The following ATP2B4 variants were observed in gnomAD, a reference collection of about 807,000 sequenced individuals.
ATP2B4 encodes the protein ATPase plasma membrane Ca2+ transporting 4.
ATP2B4 carries 39 observed loss-of-function variants against 110.3 expected under a neutral mutation model. The observed-to-expected ratio is 0.35, with a 90% confidence interval of 0.27 to 0.46. ATP2B4 has a LOEUF of 0.46. ATP2B4 is among the 20% of genes least tolerant of loss of function. The pLI is 1.00. For missense variants in ATP2B4, 1,135 were observed against 1,530.9 expected (o/e 0.74, Z 4.32); for synonymous variants, 538 against 571.7 (o/e 0.94, Z 0.84).
intron 20 of ATP2B4, among the ~76,000 whole-genome samples, chr1:203,734,710 A>T (rs912245488): frequency 6.6e-6 from 1 of 151,430 alleles, no homozygotes; most frequent in African/African-American, 2.4e-5. Flanking sequence ...CATCTCAAAA[A>T]AAAAAAAAAA....
chr1:203,664,339 A>G (rs1664439037), intron 1 of ATP2B4, among the ~76,000 whole-genome samples: 1 of 152,198 alleles, frequency 6.6e-6, no homozygotes, highest in South Asian at 2.1e-4. Context: ...ACTGGAAAGT[A>G]TAGGAACACG....
intron 2 of ATP2B4, among the ~76,000 whole-genome samples, chr1:203,692,323 A>G (rs966403543): frequency 6.6e-6 from 1 of 152,102 alleles, no homozygotes; most frequent in Non-Finnish European, 1.5e-5. Context: ...GACCACAGGC[A>G]CACGCCATCA....
chr1:203,729,644 A>G (rs551803107), intron 20 of ATP2B4: 3 of 1,075,248 alleles, frequency 2.8e-6, no homozygotes, highest in Non-Finnish European at 4.0e-6. Flanking sequence ...CCAGAGAAAC[A>G]TTCCAGGGTG....
At chr1:203,672,560 G>C (rs1664705792) in intron 1 of ATP2B4, among the ~76,000 whole-genome samples, 1 of 152,068 alleles carries the variant, frequency 6.6e-6, no homozygotes, top group African/African-American at 2.4e-5. Context: ...CCTGGCCTCG[G>C]AGCAGTGGGC....
At chr1:203,636,037 G>A (rs1184590537) in intron 1 of ATP2B4, among the ~76,000 whole-genome samples, 2 of 152,246 alleles carry the variant, frequency 1.3e-5, no homozygotes, top group Admixed American at 6.5e-5. Context: ...ATGCCATGGG[G>A]CCAGCTGAGG....
intron 2 of ATP2B4, among the ~76,000 whole-genome samples, chr1:203,686,098 C>T (rs1344920008): frequency 1.3e-5 from 2 of 152,116 alleles, no homozygotes; most frequent in African/African-American, 4.8e-5. Context: ...TAATCATACC[C>T]CTTTGGGCTC....
chr1:203,679,221 ATTC>A (rs1309546455), intron 1 of ATP2B4, among the ~76,000 whole-genome samples: 1 of 152,136 alleles, frequency 6.6e-6, no homozygotes, highest in African/African-American at 2.4e-5. Flanking sequence ...CCTTCAGATT[ATTC>A]TTTGGCAGTT....
At chr1:203,648,287 T>C (rs1663869628) in intron 1 of ATP2B4, among the ~76,000 whole-genome samples, 1 of 150,452 alleles carries the variant, frequency 6.6e-6, no homozygotes, top group Admixed American at 6.6e-5. Flanking sequence ...AAAGAAGTGT[T>C]TTTTTTAAAA....
chr1:203,689,313 G>C (rs934329435), intron 2 of ATP2B4, among the ~76,000 whole-genome samples: 1 of 152,218 alleles, frequency 6.6e-6, no homozygotes, highest in Non-Finnish European at 1.5e-5. Flanking sequence ...GAGGTTATAC[G>C]TGTTCTTTTT....
At chr1:203,670,635 A>G (rs1043255117) in intron 1 of ATP2B4, among the ~76,000 whole-genome samples, 6 of 152,048 alleles carry the variant, frequency 3.9e-5, no homozygotes, top group African/African-American at 7.2e-5. Context: ...TTCCCACCCT[A>G]TAGGAACTAG....
At chr1:203,686,952 A>G (rs1200191674) in intron 2 of ATP2B4, among the ~76,000 whole-genome samples, 1 of 146,014 alleles carries the variant, frequency 6.8e-6, no homozygotes, top group African/African-American at 2.5e-5. Context: ...ACCTCGGCCT[A>G]CCAAAGTGCT....
chr1:203,739,068 A>T (rs1666941078), intron 20 of ATP2B4, among the ~76,000 whole-genome samples: 1 of 152,184 alleles, frequency 6.6e-6, no homozygotes, highest in African/African-American at 2.4e-5. Flanking sequence ...CTTTAAACAG[A>T]TAACTAAACC....
At chr1:203,714,036 C>A in intron 14 of ATP2B4, 135 bp from the exon 15 acceptor site, 1 of 797,046 alleles carries the variant, frequency 1.3e-6, no homozygotes, top group Non-Finnish European at 2.1e-6. Flanking sequence ...ACTTACTGCC[C>A]TTAGGTGGTT....
At chr1:203,643,385 G>T (rs1400846258) in intron 1 of ATP2B4, among the ~76,000 whole-genome samples, 2 of 152,164 alleles carry the variant, frequency 1.3e-5, no homozygotes, top group African/African-American at 4.8e-5. Context: ...TAGCCCAAGG[G>T]TGCTATCACT....
rs759725699 is a variant in ATP2B4, at chr1:203,720,647, T to C, written c.2505T>C (p.Asn835=). The change falls in exon 16 of 21, where the codon AAT becomes AAC. Residue 835 remains asparagine (N), a synonymous_variant. Coordinates refer to ENST00000357681, the MANE Select transcript of ATP2B4 (RefSeq NM_001684.5). ...SIVKAVMWGR[N]VYDSISKFLQ... is the part of the protein sequence containing the mutation. Reference sequence around the variant, plus strand: ...TGAAGGCAGTGATGTGGGGACGAAATGTCTATGACAGCATCTCCAAGTTCC... The same window carrying C: ...TGAAGGCAGTGATGTGGGGACGAAACGTCTATGACAGCATCTCCAAGTTCC... 1.1e-5 allele frequency: 18 copies of C among 1,614,012 alleles called. No individual in the cohort carries two copies. Among genetic ancestry groups the C allele is most frequent in the Non-Finnish European group, 1.5e-5 (18 of 1,180,008 alleles).
At position 203,740,330 on chromosome 1, in the gene ATP2B4, A is replaced by G. The variant is rs191929063; in HGVS notation, c.*476A>G. 3 of 156,772 alleles carry G rather than the reference A, an allele frequency of 1.9e-5. No individual in the cohort carries two copies. The highest frequency in any genetic ancestry group is 1.8e-4 in the Admixed American group (3 of 16,582). The allele number at this position is 156,772 out of a possible 1,614,324, so 9.7% of individuals were successfully genotyped here. The stretch of plus-strand genomic sequence containing the variant: ...CCGCCAGTAGTGTGATTGTTTTTCA[A>G]TTTTTCCCACTTTGAAAACTTACAC... On this transcript the variant is annotated 3_prime_UTR_variant, in exon 21 of 21. Coordinates refer to ENST00000357681, the MANE Select transcript of ATP2B4 (RefSeq NM_001684.5).
Position 203,708,992 on chromosome 1 carries a change from A to C in ATP2B4, c.1558-309A>C, listed in dbSNP as rs970118781. Among the ~76,000 whole-genome samples, 3 of 152,130 alleles carry C rather than the reference A, an allele frequency of 2.0e-5. No homozygotes were observed. The East Asian group carries it at 5.8e-4, about 29-fold the overall frequency. On this transcript the variant is annotated intron_variant, in intron 10 of 20. Coordinates refer to ENST00000357681, the MANE Select transcript of ATP2B4 (RefSeq NM_001684.5). ...GCCAACATGGTGAAACCCGGTCTCT[A>C]CTAAAAATACAAAAATTAGCTAGGC...
At chr1:203,686,683 T>TCC (rs1665192938) in intron 2 of ATP2B4, among the ~76,000 whole-genome samples, 2 of 116,840 alleles carry the variant, frequency 1.7e-5, no homozygotes, top group Admixed American at 2.2e-4. Flanking sequence ...TTTCTTTTCT[T>TCC]TCTTTTTTTT....
Position 203,720,349 on chromosome 1 carries a change from G to T in ATP2B4, c.2407-200G>T, listed in dbSNP as rs560398934. On this transcript the variant is annotated intron_variant, in intron 15 of 20. Transcript: ENST00000357681. The stretch of plus-strand genomic sequence containing the variant: ...AAGATGATTGTAATTCCCAGTCTGA[G>T]CTCAACAGTAAGGTTGGTGGCATCA... Among the ~76,000 whole-genome samples, 92 of 152,356 alleles carry T rather than the reference G, an allele frequency of 6.0e-4. No homozygotes were observed. The highest frequency in any genetic ancestry group is 9.8e-4 in the Non-Finnish European group (67 of 68,034).
Sources: allele counts gnomAD v4.1 joint callset (sites outside exome capture counted in the v4.1 genomes callset), GRCh38; gene constraint gnomAD v4.1.1; transcripts MANE v1.5; gene names NCBI Gene and HGNC (gene_info 2026-07-23, HGNC 2026-07-21).